The following GSPT1 variants were observed in gnomAD, a reference collection of about 807,000 sequenced individuals.
GSPT1 encodes eukaryotic peptide chain release factor GTP-binding subunit ERF3A.
Under a neutral mutation model 72.5 loss-of-function variants are expected in GSPT1, and 20 were observed. That is an observed-to-expected ratio of 0.28 (90% CI 0.19 to 0.40). The LOEUF (loss-of-function observed/expected upper bound fraction) is 0.40. Ranked by LOEUF, GSPT1 falls within the 10% of genes least tolerant of loss-of-function variation. The pLI is 1.00. For missense variants in GSPT1, 580 were observed against 811.9 expected, an observed-to-expected ratio of 0.71 and a Z score of 3.47; for synonymous variants, 334 against 293.5, an observed-to-expected ratio of 1.14 and a Z score of -1.41.
chr16:11,892,455 G>C (rs150384634), intron 5 of GSPT1, among the ~76,000 whole-genome samples: 2 of 140,472 alleles, frequency 1.4e-5, no homozygotes, highest in African/African-American at 5.4e-5. Context: ...GCTGCAGTGA[G>C]CCATGATTAC....
At chr16:11,892,314 G>T (rs1192904569) in intron 5 of GSPT1, among the ~76,000 whole-genome samples, 1 of 150,652 alleles carries the variant, frequency 6.6e-6, no homozygotes, top group East Asian at 2.0e-4. Context: ...CTGCACTCTA[G>T]CCTGTGTTTA....
intron 9 of GSPT1, among the ~76,000 whole-genome samples, 198 bp from the exon 10 acceptor site, chr16:11,885,472 A>G (rs2054176161): frequency 2.0e-5 from 3 of 152,246 alleles, no homozygotes; most frequent in Non-Finnish European, 2.9e-5. Context: ...GCTTCCTCAT[A>G]AACTTATTAA....
At chr16:11,903,134 A>C (rs1272478919) in intron 1 of GSPT1, among the ~76,000 whole-genome samples, 1 of 151,914 alleles carries the variant, frequency 6.6e-6, no homozygotes, top group African/African-American at 2.4e-5. Flanking sequence ...CTGTGGATTT[A>C]CCTCTTCTGA....
chr16:11,870,190 C>T lies in GSPT1; in HGVS notation c.*2929G>A, dbSNP rs1351420387. The T allele has an allele frequency of 1.3e-5, 2 of 151,974 alleles. No homozygotes were observed. The highest frequency in any genetic ancestry group is 1.9e-4 in the East Asian group (1 of 5,194). 9.4% of individuals were successfully genotyped at this position (151,974 alleles called of 1,614,324 possible). A position where few individuals can be genotyped will look rare whatever the true frequency, so the allele number is the denominator to read the frequency against. Reference sequence around the variant, plus strand: ...TGTCACTTAATCTCAAGACAATACACACTCAGTCCAACTCTTTTGGTTTGA... The same window carrying T: ...TGTCACTTAATCTCAAGACAATACATACTCAGTCCAACTCTTTTGGTTTGA... On this transcript the variant is annotated 3_prime_UTR_variant, in exon 15 of 15. Coordinates refer to ENST00000434724, the MANE Select transcript of GSPT1 (RefSeq NM_002094.4).
At chr16:11,891,998 G>C (rs2054267859) in intron 5 of GSPT1, among the ~76,000 whole-genome samples, 1 of 152,112 alleles carries the variant, frequency 6.6e-6, no homozygotes. Context: ...ACTGGTGGAT[G>C]CTAAAATTAT....
At chr16:11,882,947 A>T in intron 11 of GSPT1, 68 bp downstream of exon 11, 1 of 954,166 alleles carries the variant, frequency 1.0e-6, no homozygotes. Context: ...ACAGAAGAAG[A>T]CCCTATCTCT....
At chr16:11,878,774 A>C (rs2054080052) in intron 11 of GSPT1, among the ~76,000 whole-genome samples, 1 of 152,026 alleles carries the variant, frequency 6.6e-6, no homozygotes, top group Non-Finnish European at 1.5e-5. Context: ...CATTTACTAC[A>C]TCAATAATGC....
upstream of GSPT1, chr16:11,916,090 T>G (rs1279406336): frequency 1.0e-5 from 5 of 489,838 alleles, no homozygotes; most frequent in East Asian, 1.3e-4. Flanking sequence ...TCCGGCTATT[T>G]AGCGCGGCGG....
chr16:11,903,619 G>A (rs1174003636), intron 1 of GSPT1, among the ~76,000 whole-genome samples: 34 of 152,026 alleles, frequency 2.2e-4, no homozygotes, highest in Admixed American at 2.2e-3. Flanking sequence ...CCCGGGAGGT[G>A]GAGGGAGGCT....
intron 11 of GSPT1, chr16:11,882,230 AG>A (rs2054131155): frequency 6.6e-6 from 1 of 152,256 alleles, no homozygotes; most frequent in Non-Finnish European, 1.5e-5. Context: ...GCCTGGCGAC[AG>A]GGTGAGACTC....
chr16:11,898,441 C>CTTTTTTT (rs5815660), intron 1 of GSPT1, among the ~76,000 whole-genome samples: 2 of 107,074 alleles, frequency 1.9e-5, no homozygotes, highest in African/African-American at 3.6e-5. Context: ...GTGATTAGCC[C>CTTTTTTT]TTTTTTTTTT....
chr16:11,907,951 A>C (rs1263465260), intron 1 of GSPT1, among the ~76,000 whole-genome samples: 1 of 152,206 alleles, frequency 6.6e-6, no homozygotes, highest in Non-Finnish European at 1.5e-5. Flanking sequence ...TACTTCAAAA[A>C]CAATTTGAGG....
At position 11,882,940 on chromosome 16, in the gene GSPT1, G is replaced by A. The variant is rs1229366857; in HGVS notation, c.1428+75C>T. ...CCACTGTACTCCTGCCTCGGTGACAGAAGAAGACCCTATCTCTTAAAGAAA... is the reference window on the plus strand; with the variant it reads ...CCACTGTACTCCTGCCTCGGTGACAAAAGAAGACCCTATCTCTTAAAGAAA... On this transcript the variant is annotated intron_variant, in intron 11 of 14. Transcript: ENST00000434724. 33 of 916,426 alleles carry A rather than the reference G, an allele frequency of 3.6e-5. 1 individual carries two copies. The South Asian group carries it at 3.9e-4, about 11-fold the overall frequency. 56.8% of individuals were successfully genotyped at this position (916,426 alleles called of 1,614,324 possible).
In GSPT1 at chr16:11,915,798, A is replaced by T. The variant is rs892216806; in HGVS notation, c.-78T>A. On this transcript the variant is annotated 5_prime_UTR_variant, in exon 1 of 15. It adds an upstream start codon to the 5' untranslated region. Transcript: ENST00000434724. ...GCGCCCGGCCGGAGAGGAGTGGGCA[A>T]CGCTGACTGAGGGAAGGCGGCGGGG... 6.4e-7 allele frequency: 1 copy of T among 1,574,362 alleles called. No homozygotes were observed. The highest frequency in any genetic ancestry group is 8.6e-7 in the Non-Finnish European group (1 of 1,164,110).
chr16:11,915,398 C>A lies in GSPT1; in HGVS notation c.323G>T (p.Gly108Val). 5 of 1,511,254 alleles carry A rather than the reference C, an allele frequency of 3.3e-6. No homozygotes were observed. The highest frequency in any genetic ancestry group is 4.4e-6 in the Non-Finnish European group (5 of 1,134,268). 93.6% of individuals were successfully genotyped at this position (1,511,254 alleles called of 1,614,324 possible). The part of the protein sequence containing the change: ...PPVGGAANNH[G>V]AGSGAGGRAA... ...ACGGCCTCCCGCGCCGCTGCCGGCT[C>A]CGTGGTTATTGGCGGCGCCGCCAAC... Residue 108 changes from glycine to valine, a missense_variant, in exon 1 of 15, where the codon GGA (glycine) becomes GTA (valine). This residue lies in a region of GSPT1 where 327 missense variants were observed against 298.8 expected (regional missense o/e 1.09). Transcript: ENST00000434724.
At chr16:11,888,660 G>A (rs1355004257) in intron 6 of GSPT1, among the ~76,000 whole-genome samples, 1 of 151,992 alleles carries the variant, frequency 6.6e-6, no homozygotes, top group East Asian at 1.9e-4. Context: ...TACTCGGGAG[G>A]CTGAGGCAGG....
Position 11,915,673 on chromosome 16 carries a change from CCCGCCGCCG to C in GSPT1, c.39_47del (p.Gly14_Gly16del), listed in dbSNP as rs3031121. 79,703 of 1,471,790 alleles carry C rather than the reference CCCGCCGCCG, an allele frequency of 0.054. 1,557 individuals are homozygous for C. Among genetic ancestry groups the C allele is most frequent in the Non-Finnish European group, 0.061 (68,248 of 1,116,326 alleles). 91.2% of individuals were successfully genotyped at this position (1,471,790 alleles called of 1,614,324 possible). On this transcript the variant is annotated inframe_deletion, in exon 1 of 15. Transcript: ENST00000434724. The stretch of plus-strand genomic sequence containing the variant: ...CGCTGCTGCTGCTGCCGCTGCTGCT[CCCGCCGCCG>C]CCGCCGCCGCCGCCGCCGCCGCCAC...
At chr16:11,912,830 G>C (rs1443699637) in intron 1 of GSPT1, among the ~76,000 whole-genome samples, 1 of 152,184 alleles carries the variant, frequency 6.6e-6, no homozygotes, top group Non-Finnish European at 1.5e-5. Flanking sequence ...CTAGAGAACT[G>C]TGCTTAAATG....
intron 1 of GSPT1, among the ~76,000 whole-genome samples, chr16:11,900,447 A>G (rs1343539155): frequency 1.3e-5 from 2 of 151,794 alleles, no homozygotes; most frequent in Non-Finnish European, 2.9e-5. Flanking sequence ...TGGGGGATGG[A>G]GGGGGTAGCA....
Sources: allele counts gnomAD v4.1 joint callset (sites outside exome capture counted in the v4.1 genomes callset), GRCh38; gene constraint gnomAD v4.1.1; regional missense constraint gnomAD v4.1.1; transcripts MANE v1.5; gene names NCBI Gene and HGNC (gene_info 2026-07-23, HGNC 2026-07-21).